Variants in BTF3L4 observed in about 807,000 individuals in gnomAD.
BTF3L4 encodes the protein transcription factor BTF3 homolog 4.
In BTF3L4, 6 loss-of-function variants were observed where a neutral mutation model predicts 16.8. That is an observed-to-expected ratio of 0.36 (90% confidence interval 0.20 to 0.71). BTF3L4 has a LOEUF of 0.71. Ranked by LOEUF, BTF3L4 falls within the 30% of genes least tolerant of loss-of-function variation. The probability of loss-of-function intolerance (pLI) is 0.58; values close to 1 mark genes in which losing one functional copy is unlikely to be tolerated. For synonymous variants in BTF3L4, 39 were observed against 59.8 expected, an observed-to-expected ratio of 0.65 and a Z score of 1.60; for missense variants, 92 against 186.9, an observed-to-expected ratio of 0.49 and a Z score of 2.96.
chr1:52,084,327 T>TA (rs1356594705), intron 4 of BTF3L4, among the ~76,000 whole-genome samples: 2 of 152,048 alleles, frequency 1.3e-5, no homozygotes, highest in African/African-American at 4.8e-5. Context: ...ATTTTTAGTA[T>TA]ACACAGGGTT....
At chr1:52,073,417 G>A (rs769812141) in intron 3 of BTF3L4, among the ~76,000 whole-genome samples, 23 of 150,868 alleles carry the variant, frequency 1.5e-4, no homozygotes, top group Non-Finnish European at 2.9e-4. Flanking sequence ...GCTACTATTA[G>A]TCTTGTATTT....
Position 52,089,856 on chromosome 1 carries a change from C to T in BTF3L4, c.*3098C>T, listed in dbSNP as rs1442353375. Reference sequence around the variant, plus strand: ...TTAATTTGTTGTTAAGTAGCTAGTGCTTACAGGATTCCATTAAATTCACTT... The same window carrying T: ...TTAATTTGTTGTTAAGTAGCTAGTGTTTACAGGATTCCATTAAATTCACTT... On this transcript the variant is annotated 3_prime_UTR_variant, in exon 6 of 6. Coordinates refer to ENST00000313334, the MANE Select transcript of BTF3L4 (RefSeq NM_152265.5). 1.3e-5 allele frequency: 2 copies of T among 152,094 alleles called. No individual in the cohort carries two copies. The highest frequency in any genetic ancestry group is 2.4e-5 in the African/African-American group (1 of 41,402). The allele number at this position is 152,094 out of a possible 1,614,324, so 9.4% of individuals were successfully genotyped here.
chr1:52,079,962 C>T (rs891212489), intron 3 of BTF3L4, among the ~76,000 whole-genome samples: 1 of 150,400 alleles, frequency 6.6e-6, no homozygotes, highest in African/African-American at 2.4e-5. Context: ...ACCTCTTCCT[C>T]CCGGGTTCAA....
chr1:52,076,346 C>T (rs1194889707), intron 3 of BTF3L4, among the ~76,000 whole-genome samples: 5 of 151,606 alleles, frequency 3.3e-5, no homozygotes, highest in Admixed American at 6.6e-5. Context: ...GAGGCTGAGG[C>T]GGGCAGATCA....
intron 1 of BTF3L4, among the ~76,000 whole-genome samples, chr1:52,059,570 C>G (rs1686457893): frequency 1.3e-5 from 2 of 152,150 alleles, no homozygotes; most frequent in Admixed American, 1.3e-4. Context: ...AAGGAGGGAT[C>G]TTTGAATAGG....
intron 3 of BTF3L4, among the ~76,000 whole-genome samples, chr1:52,076,789 A>T (rs1686945824): frequency 6.6e-6 from 1 of 152,296 alleles, no homozygotes; most frequent in South Asian, 2.1e-4. Context: ...AAAGCCCATT[A>T]TCCTCAAAAT....
intron 3 of BTF3L4, among the ~76,000 whole-genome samples, chr1:52,066,775 T>TGGGGAGCTTGC (rs765918230): frequency 2.9e-4 from 42 of 144,158 alleles, no homozygotes; most frequent in Non-Finnish European, 6.1e-4. Flanking sequence ...GAACCCAGGA[T>TGGGGAGCTTGC]GGGGAGCTTG....
intron 3 of BTF3L4, among the ~76,000 whole-genome samples, chr1:52,066,344 A>G (rs1572022924): frequency 6.8e-6 from 1 of 147,000 alleles, no homozygotes; most frequent in Non-Finnish European, 1.5e-5. Context: ...GGCGCCCACC[A>G]CCACACCCGG....
At chr1:52,056,931 T>C (rs1017687229) in intron 1 of BTF3L4, among the ~76,000 whole-genome samples, 3 of 152,200 alleles carry the variant, frequency 2.0e-5, no homozygotes, top group Non-Finnish European at 4.4e-5. Context: ...GTTGCACAGC[T>C]AGTGAATGGC....
At chr1:52,070,445 G>A (rs1686759111) in intron 3 of BTF3L4, among the ~76,000 whole-genome samples, 1 of 150,016 alleles carries the variant, frequency 6.7e-6, no homozygotes, top group Non-Finnish European at 1.5e-5. Context: ...CTAAAGGATA[G>A]GACTTCAGGA....
At chr1:52,078,036 A>G (rs1374517315) in intron 3 of BTF3L4, among the ~76,000 whole-genome samples, 1 of 152,008 alleles carries the variant, frequency 6.6e-6, no homozygotes, top group Non-Finnish European at 1.5e-5. Flanking sequence ...CCCATCATCT[A>G]GCATTTGGGG....
chr1:52,061,843 T>C (rs7546759), intron 2 of BTF3L4, among the ~76,000 whole-genome samples: 139,868 of 151,712 alleles, frequency 0.92, 65,335 homozygotes, highest in Non-Finnish European at 1. Context: ...AGTTTCTTCA[T>C]GTTGGTCAGG....
intron 2 of BTF3L4, among the ~76,000 whole-genome samples, chr1:52,064,610 C>T (rs1186887886): frequency 6.6e-6 from 1 of 152,038 alleles, no homozygotes; most frequent in East Asian, 1.9e-4. Flanking sequence ...CCTGAAAAAG[C>T]TGATAAGGAA....
At chr1:52,077,793 C>G (rs1232918268) in intron 3 of BTF3L4, among the ~76,000 whole-genome samples, 5 of 152,066 alleles carry the variant, frequency 3.3e-5, no homozygotes, top group Non-Finnish European at 7.4e-5. Context: ...ACTTACATAC[C>G]CTATGCAGAG....
At chr1:52,058,679 G>A (rs142024371) in intron 1 of BTF3L4, among the ~76,000 whole-genome samples, 5,698 of 151,348 alleles carry the variant, frequency 0.038, 390 homozygotes, top group African/African-American at 0.13. Context: ...TTGGCTCACC[G>A]CAACCTCCGC....
At chr1:52,064,800 C>T (rs1175394995) in intron 2 of BTF3L4, 25 bp from the exon 3 acceptor site, 2 of 1,505,332 alleles carry the variant, frequency 1.3e-6, no homozygotes, top group African/African-American at 2.8e-5. Flanking sequence ...GCTAACACTT[C>T]TGCTTCTGTT....
chr1:52,059,747 C>A, intron 1 of BTF3L4, 88 bp from the exon 2 acceptor site: 1 of 1,079,688 alleles, frequency 9.3e-7, no homozygotes, highest in Non-Finnish European at 1.4e-6. Flanking sequence ...ATACTACAAG[C>A]TCAGTGAACC....
Position 52,086,847 on chromosome 1 carries a change from G to C in BTF3L4, c.*89G>C. The stretch of plus-strand genomic sequence containing the variant: ...TTTACAGACATGGAGAACATCACCT[G>C]TTACTAGTTCAGTAATATAAATATT... On this transcript the variant is annotated 3_prime_UTR_variant, in exon 6 of 6. Coordinates refer to ENST00000313334, the MANE Select transcript of BTF3L4 (RefSeq NM_152265.5). 1.4e-6 allele frequency: 1 copy of C among 692,750 alleles called. No individual in the cohort carries two copies. The highest frequency in any genetic ancestry group is 2.4e-6 in the Non-Finnish European group (1 of 409,484). The allele number at this position is 692,750 out of a possible 1,614,324, so 42.9% of individuals were successfully genotyped here. A position where few individuals can be genotyped will look rare whatever the true frequency, so the allele number is the denominator to read the frequency against.
intron 3 of BTF3L4, among the ~76,000 whole-genome samples, chr1:52,080,192 C>T (rs932520471): frequency 3.3e-5 from 5 of 151,856 alleles, no homozygotes; most frequent in African/African-American, 4.8e-5. Context: ...GGCAAATAAG[C>T]GTTTTAAGTA....
Sources: allele counts gnomAD v4.1 joint callset (sites outside exome capture counted in the v4.1 genomes callset), GRCh38; gene constraint gnomAD v4.1.1; transcripts MANE v1.5; gene names NCBI Gene and HGNC (gene_info 2026-07-23, HGNC 2026-07-21).